ZNF670: variants seen among roughly 807,000 people sequenced by gnomAD.
ZNF670 encodes zinc finger protein 670.
ZNF670 carries 7 observed loss-of-function variants against 10.9 expected under a neutral mutation model. The observed-to-expected ratio is 0.64, with a 90% CI of 0.36 to 1.20. ZNF670 has a LOEUF of 1.20. ZNF670 is among the 50% of genes most tolerant of loss of function. The pLI is 0.02. For synonymous variants in ZNF670, 136 were observed against 152.7 expected, an observed-to-expected ratio of 0.89 and a Z score of 0.81; for missense variants, 446 against 458.6, an observed-to-expected ratio of 0.97 and a Z score of 0.25.
At chr1:247,066,995 T>G (rs1670995193) in intron 1 of ZNF670, among the ~76,000 whole-genome samples, 1 of 152,190 alleles carries the variant, frequency 6.6e-6, no homozygotes, top group South Asian at 2.1e-4. Flanking sequence ...ATCTTACATG[T>G]ATTGATAGAC....
chr1:247,063,723 T>C (rs34764574), intron 1 of ZNF670, among the ~76,000 whole-genome samples: 11 of 152,110 alleles, frequency 7.2e-5, no homozygotes, highest in African/African-American at 2.6e-4. Context: ...AGGTGACACC[T>C]GGGGAGAAAG....
chr1:247,039,057 TTTC>T (rs751729053), intron 2 of ZNF670, among the ~76,000 whole-genome samples, 187 bp from the exon 3 acceptor site: 2,523 of 113,950 alleles, frequency 0.022, 36 homozygotes, highest in Non-Finnish European at 0.03. Context: ...TTTTTCTTTC[TTTC>T]TTTTTTTTTT....
chr1:247,038,742 G>T, intron 3 of ZNF670, 68 bp downstream of exon 3: 2 of 1,399,672 alleles, frequency 1.4e-6, no homozygotes, highest in African/African-American at 1.4e-5. Flanking sequence ...TGTTTTGTCT[G>T]TTTTAAAAAC....
At chr1:247,075,029 A>C (rs1161068076) in intron 1 of ZNF670, among the ~76,000 whole-genome samples, 1 of 152,204 alleles carries the variant, frequency 6.6e-6, no homozygotes, top group South Asian at 2.1e-4. Flanking sequence ...TCTCAATATA[A>C]AGAGCTCCTT....
At chr1:247,043,199 G>T (rs780281680) in intron 1 of ZNF670, 1 of 720,864 alleles carries the variant, frequency 1.4e-6, no homozygotes. Context: ...TCATGACAAG[G>T]GCCATACGCA....
intron 1 of ZNF670, among the ~76,000 whole-genome samples, chr1:247,048,529 G>A (rs1327122880): frequency 6.6e-6 from 1 of 152,124 alleles, no homozygotes; most frequent in African/African-American, 2.4e-5. Context: ...CTGTTACCCA[G>A]TTCCAAAGTA....
In ZNF670 at chr1:247,035,970, T is replaced by G. The variant is rs1670140306; in HGVS notation, c.*1479A>C. On this transcript the variant is annotated 3_prime_UTR_variant, in exon 4 of 4. Transcript: ENST00000366503. ...AGCATAAGACTGGTGCTCAAACAGT[T>G]TTTGACTTCGGAGCATTTCAGATTT... Among the ~76,000 whole-genome samples, 1 of 152,188 alleles carries G rather than the reference T, an allele frequency of 6.6e-6. No homozygotes were observed. The highest frequency in any genetic ancestry group is 1.5e-5 in the Non-Finnish European group (1 of 68,038).
At chr1:247,057,723 T>C (rs962128935) in intron 1 of ZNF670, among the ~76,000 whole-genome samples, 3 of 152,186 alleles carry the variant, frequency 2.0e-5, no homozygotes, top group Admixed American at 2.0e-4. Flanking sequence ...TTAAATGAAA[T>C]AAGCCAGGAA....
At chr1:247,064,535 T>C (rs1391708779) in intron 1 of ZNF670, among the ~76,000 whole-genome samples, 1 of 152,182 alleles carries the variant, frequency 6.6e-6, no homozygotes, top group Non-Finnish European at 1.5e-5. Context: ...CGTACTGCCT[T>C]TAAAGAGTTC....
At chr1:247,042,455 G>A (rs1247464276) in intron 1 of ZNF670, among the ~76,000 whole-genome samples, 1 of 152,176 alleles carries the variant, frequency 6.6e-6, no homozygotes, top group African/African-American at 2.4e-5. Flanking sequence ...CATTAGGTCA[G>A]GCCTTTCAAG....
chr1:247,055,735 A>G (rs1460339070), intron 1 of ZNF670, among the ~76,000 whole-genome samples: 1 of 152,224 alleles, frequency 6.6e-6, no homozygotes, highest in Non-Finnish European at 1.5e-5. Flanking sequence ...GCTTCAATGA[A>G]TATAAAAAAA....
intron 2 of ZNF670, among the ~76,000 whole-genome samples, chr1:247,039,170 TG>T (rs1176702831): frequency 6.7e-6 from 1 of 150,142 alleles, no homozygotes; most frequent in Non-Finnish European, 1.5e-5. Context: ...GCAATTAACC[TG>T]TCTCAGGCTC....
At chr1:247,064,790 T>C (rs904193265) in intron 1 of ZNF670, among the ~76,000 whole-genome samples, 1 of 152,136 alleles carries the variant, frequency 6.6e-6, no homozygotes, top group Admixed American at 6.5e-5. Context: ...ACTTTCTTTC[T>C]TTCTTTTCTT....
intron 1 of ZNF670, among the ~76,000 whole-genome samples, chr1:247,078,191 A>C (rs745589110): frequency 6.6e-6 from 1 of 152,046 alleles, no homozygotes; most frequent in African/African-American, 2.4e-5. Context: ...GCTCAAATAA[A>C]CTCCTTAATA....
intron 1 of ZNF670, among the ~76,000 whole-genome samples, chr1:247,057,431 G>A (rs530826149): frequency 6.6e-6 from 1 of 152,076 alleles, no homozygotes; most frequent in African/African-American, 2.4e-5. Flanking sequence ...CAGTTTCAAG[G>A]TTCCTCAAAA....
chr1:247,037,737 T>G lies in ZNF670; in HGVS notation c.882A>C (p.Arg294Ser). Residue 294 changes from arginine to serine, a missense_variant, in exon 4 of 4, where the codon AGA (arginine) becomes AGC (serine). Arg to Ser is a moderately radical substitution (Grantham distance 110). Transcript: ENST00000366503. ...IKCGKAFRCS[R>S]VLRVHERTHS... ...GAGTCCTTTCATGGACTCTGAGGACTCTGGAACATCTAAAGGCTTTGCCAC... is the reference window on the plus strand; with the variant it reads ...GAGTCCTTTCATGGACTCTGAGGACGCTGGAACATCTAAAGGCTTTGCCAC... 1 of 1,613,968 alleles carries G rather than the reference T, an allele frequency of 6.2e-7. No individual in the cohort carries two copies. Among genetic ancestry groups the G allele is most frequent in the Non-Finnish European group, 8.5e-7 (1 of 1,179,914 alleles).
At position 247,037,608 on chromosome 1, in the gene ZNF670, A is replaced by G. The variant is rs1226237254; in HGVS notation, c.1011T>C (p.Tyr337=). The G allele has an allele frequency of 6.2e-7, 1 of 1,614,110 alleles. No homozygotes were observed. The highest frequency in any genetic ancestry group is 8.5e-7 in the Non-Finnish European group (1 of 1,180,014). ...ACGACTTACCACATTCCTTACATCC[A>G]TAAGGTTTCACTCCAGTGTGAGTTC... is the stretch of plus-strand genomic sequence containing the variant. ...HERTHTGVKP[Y]GCKECGKSFT... is the part of the protein sequence containing the mutation. Residue 337 remains tyrosine, a synonymous_variant, in exon 4 of 4, where the codon TAT becomes TAC. Transcript: ENST00000366503.
At position 247,063,307 on chromosome 1, in the gene ZNF670, C is replaced by T. The variant is rs1477196977; in HGVS notation, c.3+15287G>A. ...GGAAACTGAAGGCCAGGCGCGGTGG[C>T]TCACGCCTGTAATCCCAGCACTTTG... On this transcript the variant is annotated intron_variant, in intron 1 of 3. Transcript: ENST00000366503. Among the ~76,000 whole-genome samples the T allele has an allele frequency of 2.0e-5, 3 of 152,144 alleles. No homozygotes were observed. The East Asian group carries it at 5.8e-4, about 29-fold the overall frequency.
chr1:247,063,320 TC>T (rs1425661193), intron 1 of ZNF670, among the ~76,000 whole-genome samples: 1 of 152,132 alleles, frequency 6.6e-6, no homozygotes, highest in Non-Finnish European at 1.5e-5. Context: ...ACGCCTGTAA[TC>T]CCAGCACTTT....
Sources: allele counts gnomAD v4.1 joint callset (sites outside exome capture counted in the v4.1 genomes callset), GRCh38; gene constraint gnomAD v4.1.1; transcripts MANE v1.5; gene names NCBI Gene and HGNC (gene_info 2026-07-23, HGNC 2026-07-21).